Variants in TOGARAM1 observed in about 807,000 individuals in gnomAD.
TOGARAM1 encodes TOG array regulator of axonemal microtubules protein 1.
TOGARAM1 carries 100 observed loss-of-function variants against 166.6 expected under a neutral mutation model. The observed-to-expected ratio is 0.60, with a 90% CI of 0.51 to 0.71. TOGARAM1 has a LOEUF of 0.71. Ranked by LOEUF, TOGARAM1 falls within the 30% of genes least tolerant of loss-of-function variation. The probability of loss-of-function intolerance (pLI) is 0.00; values close to 1 mark genes in which losing one functional copy is unlikely to be tolerated. For missense variants in TOGARAM1, 2,029 were observed against 2,102.7 expected (o/e 0.96, Z 0.69); for synonymous variants, 758 against 763.8 (o/e 0.99, Z 0.13).
intron 18 of TOGARAM1, among the ~76,000 whole-genome samples, chr14:45,069,652 G>A (rs1219478709): frequency 6.6e-6 from 1 of 152,140 alleles, no homozygotes; most frequent in Non-Finnish European, 1.5e-5. Context: ...AAATGCATAT[G>A]CAAGTTAAGG....
At chr14:44,966,194 A>T (rs1372725443) in intron 1 of TOGARAM1, among the ~76,000 whole-genome samples, 1 of 151,488 alleles carries the variant, frequency 6.6e-6, no homozygotes, top group Non-Finnish European at 1.5e-5. Flanking sequence ...TACAAAGGCC[A>T]GGCAGGGTGG....
At position 44,963,072 on chromosome 14, in the gene TOGARAM1, G is replaced by A. The variant is rs1316203219; in HGVS notation, c.651G>A (p.Thr217=). ...GTAGTCCTGGAGAGGTGCTGAGAACGCTTATACAACAAGGACTGGAAAGTA... is the reference window on the plus strand; with the variant it reads ...GTAGTCCTGGAGAGGTGCTGAGAACACTTATACAACAAGGACTGGAAAGTA... ...LKRSPGEVLR[T]LIQQGLESTD... is the part of the protein sequence containing the mutation. Residue 217 remains threonine (T), a synonymous_variant, in exon 1 of 20, where the codon ACG becomes ACA. Coordinates refer to ENST00000361462, the MANE Select transcript of TOGARAM1 (RefSeq NM_001308120.2). 6.2e-7 allele frequency: 1 copy of A among 1,614,188 alleles called. No individual in the cohort carries two copies. Among genetic ancestry groups the A allele is most frequent in the Non-Finnish European group, 8.5e-7 (1 of 1,180,036 alleles).
intron 10 of TOGARAM1, among the ~76,000 whole-genome samples, chr14:45,030,783 C>G (rs982764426): frequency 1.3e-5 from 2 of 152,122 alleles, no homozygotes; most frequent in Non-Finnish European, 2.9e-5. Flanking sequence ...TCTTATACCT[C>G]TTTATATAAG....
intron 11 of TOGARAM1, among the ~76,000 whole-genome samples, chr14:45,041,393 T>G (rs1594682867): frequency 6.6e-6 from 1 of 152,274 alleles, no homozygotes; most frequent in South Asian, 2.1e-4. Context: ...AGAGCAAGAC[T>G]CCCTCTCAAA....
At chr14:45,015,173 C>T (rs993874212) in intron 7 of TOGARAM1, among the ~76,000 whole-genome samples, 8 of 151,802 alleles carry the variant, frequency 5.3e-5, no homozygotes, top group Non-Finnish European at 8.8e-5. Context: ...AGAATGGTGG[C>T]GTGCGCCTGT....
chr14:45,016,452 C>T (rs574442966), intron 7 of TOGARAM1, among the ~76,000 whole-genome samples: 5 of 152,140 alleles, frequency 3.3e-5, no homozygotes, highest in African/African-American at 4.8e-5. Flanking sequence ...GAGGCCAAGG[C>T]GGGCGGATCA....
At chr14:45,009,642 C>T (rs1224942112) in intron 6 of TOGARAM1, among the ~76,000 whole-genome samples, 1 of 152,176 alleles carries the variant, frequency 6.6e-6, no homozygotes, top group South Asian at 2.1e-4. Context: ...TGTTAGGAGT[C>T]TCCCTACAGC....
In TOGARAM1 at chr14:45,045,565, ATATATATATATATATATATGTG is replaced by A. The variant is rs1359131455; in HGVS notation, c.4154+697_4154+718del. Among the ~76,000 whole-genome samples, 23 of 41,258 alleles carry A rather than the reference ATATATATATATATATATATGTG, an allele frequency of 5.6e-4. 1 individual carries two copies. In the South Asian group the frequency reaches 7.5e-3, roughly 13 times the overall value. 27.1% of individuals were successfully genotyped at this position (41,258 alleles called of 152,430 possible). A position where few individuals can be genotyped will look rare whatever the true frequency, so the allele number is the denominator to read the frequency against. On this transcript the variant is annotated intron_variant, in intron 13 of 19. Transcript: ENST00000361462. ...TGTGTATATATATATATATATATAT[ATATATATATATATATATATGTG>A]TGTGTGTGTGTGTGTGTGTGTGTGT...
intron 3 of TOGARAM1, among the ~76,000 whole-genome samples, chr14:45,002,934 G>A (rs1307155537): frequency 2.6e-5 from 4 of 152,016 alleles, no homozygotes; most frequent in Non-Finnish European, 1.5e-5. Context: ...AGCTGAGATC[G>A]TGCCACTGCA....
intron 10 of TOGARAM1, among the ~76,000 whole-genome samples, chr14:45,029,808 G>T (rs1881054646): frequency 6.6e-6 from 1 of 152,066 alleles, no homozygotes; most frequent in Non-Finnish European, 1.5e-5. Context: ...CAACATAGTG[G>T]AAGTTTTGTT....
intron 11 of TOGARAM1, among the ~76,000 whole-genome samples, chr14:45,039,056 C>G (rs903937803): frequency 6.6e-6 from 1 of 151,838 alleles, no homozygotes; most frequent in Admixed American, 6.6e-5. Flanking sequence ...AGAGGAGACC[C>G]GGAGTGGGTA....
chr14:45,066,790 T>A (rs1883159376), intron 17 of TOGARAM1, 23 bp downstream of exon 17: 2 of 1,596,796 alleles, frequency 1.3e-6, no homozygotes, highest in Non-Finnish European at 1.7e-6. Flanking sequence ...CAGAATTAAT[T>A]TTAATGTGGG....
At chr14:45,064,291 A>T (rs536190089) in intron 16 of TOGARAM1, among the ~76,000 whole-genome samples, 202 of 152,076 alleles carry the variant, frequency 1.3e-3, no homozygotes, top group African/African-American at 4.7e-3. Flanking sequence ...TAAAAAATAT[A>T]TTTTTTATTA....
At chr14:44,990,152 TAAATG>T in intron 1 of TOGARAM1, among the ~76,000 whole-genome samples, 1 of 152,306 alleles carries the variant, frequency 6.6e-6, no homozygotes, top group Non-Finnish European at 1.5e-5. Context: ...ATCATAAACA[TAAATG>T]AAAAGACAAT....
chr14:44,963,500 T>G lies in TOGARAM1; in HGVS notation c.1079T>G (p.Leu360Trp), dbSNP rs777839421. 42 of 1,614,086 alleles carry G rather than the reference T, an allele frequency of 2.6e-5. No homozygotes were observed. Residue 360 changes from leucine to tryptophan, a missense_variant, in exon 1 of 20, where the codon TTG becomes TGG. Physicochemically the swap from Leu to Trp is moderately conservative, Grantham distance 61. This residue lies in a region of TOGARAM1 where 1,453 missense variants were observed against 1,432.2 expected (regional missense o/e 1.01). Transcript: ENST00000361462. Reference sequence around the variant, plus strand: ...CCTCAGGAGCTGCATTCACGATTATTGGATCAGGAAGACTATAAGAACCGG... The same window carrying G: ...CCTCAGGAGCTGCATTCACGATTATGGGATCAGGAAGACTATAAGAACCGG... ...IIPQELHSRL[L>W]DQEDYKNRTQ...
rs1177044768 is a variant in TOGARAM1 at position 45,044,936 on chromosome 14, G to C, written c.4154+66G>C. 2.5e-6 allele frequency: 3 copies of C among 1,212,540 alleles called. No individual in the cohort carries two copies. The East Asian group carries it at 7.5e-5, about 30-fold the overall frequency. The allele number at this position is 1,212,540 out of a possible 1,614,324, so 75.1% of individuals were successfully genotyped here. On this transcript the variant is annotated intron_variant, in intron 13 of 19. Coordinates refer to ENST00000361462, the MANE Select transcript of TOGARAM1 (RefSeq NM_001308120.2). ...ATGAAATGTTGCAATCGGGACTGTA[G>C]AAAAGAAACAAGCAAATCTTAGTAG...
At chr14:45,067,160 A>G (rs2139004109) in intron 17 of TOGARAM1, among the ~76,000 whole-genome samples, 1 of 152,250 alleles carries the variant, frequency 6.6e-6, no homozygotes, top group Non-Finnish European at 1.5e-5. Context: ...AGGTTTTTCT[A>G]GGTTAAAAGC....
At chr14:45,062,882 A>C (rs1882960630) in intron 16 of TOGARAM1, among the ~76,000 whole-genome samples, 1 of 152,144 alleles carries the variant, frequency 6.6e-6, no homozygotes, top group Admixed American at 6.5e-5. Flanking sequence ...ATATTCATTG[A>C]GTTGTGTAAC....
intron 1 of TOGARAM1, among the ~76,000 whole-genome samples, chr14:44,975,376 A>C (rs1021868061): frequency 6.6e-6 from 1 of 152,206 alleles, no homozygotes; most frequent in African/African-American, 2.4e-5. Flanking sequence ...GTGTCTTTGA[A>C]GGGCAGTGTG....
Sources: allele counts gnomAD v4.1 joint callset (sites outside exome capture counted in the v4.1 genomes callset), GRCh38; gene constraint gnomAD v4.1.1; regional missense constraint gnomAD v4.1.1; transcripts MANE v1.5; gene names NCBI Gene and HGNC (gene_info 2026-07-23, HGNC 2026-07-21).